The following CEP152 variants were observed in gnomAD, a reference collection of about 807,000 sequenced individuals.
CEP152 encodes the protein centrosomal protein 152, also known as centrosomal protein of 152 kDa.
CEP152 carries 132 observed loss-of-function variants against 188.9 expected under a neutral mutation model. The observed-to-expected ratio is 0.70, with a 90% confidence interval of 0.61 to 0.81. The LOEUF is 0.81. Among genes scored for constraint, CEP152 ranks in the 30% least tolerant of loss-of-function variants. The probability of loss-of-function intolerance (pLI) is 0.00; values close to 1 mark genes in which losing one functional copy is unlikely to be tolerated. For synonymous variants in CEP152, 649 were observed against 666.6 expected, an observed-to-expected ratio of 0.97 and a Z score of 0.41; for missense variants, 1,914 against 1,969.8, an observed-to-expected ratio of 0.97 and a Z score of 0.54.
At chr15:48,798,184 T>C in intron 2 of CEP152, 133 bp from the exon 3 acceptor site, 1 of 707,582 alleles carries the variant, frequency 1.4e-6, no homozygotes, top group Non-Finnish European at 2.6e-6. Context: ...ATTAACTTCT[T>C]AAGTTCCACA....
chr15:48,756,485 T>C lies in CEP152; in HGVS notation c.2763A>G (p.Ile921Met). The C allele has an allele frequency of 1.2e-6, 2 of 1,612,958 alleles. No individual in the cohort carries two copies. Among genetic ancestry groups the C allele is most frequent in the African/African-American group, 1.3e-5 (1 of 75,046 alleles). ...KSELENMRKN[I>M]LPGKELEEKI... ...TCTCTTCCAATTCCTTTCCAGGAAG[T>C]ATATTTTTCCTCATATTTTCAAGCT... Residue 921 changes from isoleucine (I) to methionine (M), a missense_variant, in exon 20 of 27, where the codon ATA becomes ATG. By Grantham distance (10) the Ile-to-Met change is conservative. Transcript: ENST00000380950.
At chr15:48,763,208 T>C (rs1894822025) in intron 17 of CEP152, among the ~76,000 whole-genome samples, 1 of 152,240 alleles carries the variant, frequency 6.6e-6, no homozygotes, top group Non-Finnish European at 1.5e-5. Flanking sequence ...CTTAATGATT[T>C]TTCCACTTTA....
intron 9 of CEP152, 24 bp downstream of exon 9, chr15:48,788,777 T>G: frequency 6.3e-7 from 1 of 1,599,090 alleles, no homozygotes; most frequent in Non-Finnish European, 8.6e-7. Context: ...TTGATAACAG[T>G]TGCTCATTTG....
rs1444788842 is a variant in CEP152 at position 48,741,992 on chromosome 15, T to C, written c.3944A>G (p.Tyr1315Cys). Residue 1315 changes from tyrosine to cysteine, a missense_variant, in exon 25 of 27, where the codon TAT becomes TGT. Physicochemically the swap from Tyr to Cys is radical, Grantham distance 194. Transcript: ENST00000380950. Reference sequence around the variant, plus strand: ...CAAAATCTGTTGGAGGCAAATCAAATAATATTTGCGCATCTTTCGGGCGGT... The same window carrying C: ...CAAAATCTGTTGGAGGCAAATCAAACAATATTTGCGCATCTTTCGGGCGGT... ...QETARKMRKY[Y>C]LICLQQILQD... 4.3e-6 allele frequency: 7 copies of C among 1,614,052 alleles called. No individual in the cohort carries two copies. The highest frequency in any genetic ancestry group is 1.1e-5 in the South Asian group (1 of 91,084).
At chr15:48,797,067 T>G (rs1897343222) in intron 5 of CEP152, among the ~76,000 whole-genome samples, 1 of 152,232 alleles carries the variant, frequency 6.6e-6, no homozygotes, top group African/African-American at 2.4e-5. Context: ...TTTAATCAAC[T>G]ATGTCCAAAG....
chr15:48,809,220 G>C (rs1389860864), intron 1 of CEP152, among the ~76,000 whole-genome samples: 1 of 152,142 alleles, frequency 6.6e-6, no homozygotes, highest in East Asian at 1.9e-4. Context: ...ACAAATATTT[G>C]TTGACTGAAT....
In CEP152 at chr15:48,791,313, T is replaced by A. The variant is rs200843051; in HGVS notation, c.896A>T (p.Glu299Val). Residue 299 changes from glutamate (E) to valine (V), a missense_variant, in exon 8 of 27, where the codon GAA becomes GTA. Coordinates refer to ENST00000380950, the MANE Select transcript of CEP152 (RefSeq NM_001194998.2). ...ESQKLFQNGK[E>V]REIQLEAQIK... is the part of the protein sequence containing the mutation. ...TTGAGCTTCAAGCTGTATCTCTCTT[T>A]CTTTTCCATTCTGAAAGAGTTTCTG... The A allele has an allele frequency of 3.1e-6, 5 of 1,612,926 alleles. No individual in the cohort carries two copies. The Admixed American group carries it at 5.0e-5, about 16-fold the overall frequency.
At position 48,748,500 on chromosome 15, in the gene CEP152, A is replaced by G; in HGVS notation, c.3577T>C (p.Cys1193Arg). The G allele has an allele frequency of 1.3e-6, 2 of 1,535,064 alleles. No individual in the cohort carries two copies. The highest frequency in any genetic ancestry group is 4.9e-5 in the East Asian group (2 of 40,874). Residue 1193 changes from cysteine to arginine, a missense_variant, in exon 22 of 27, where the codon TGT (cysteine) becomes CGT (arginine). Physicochemically the swap from Cys to Arg is radical, Grantham distance 180 (BLOSUM62 -3). Transcript: ENST00000380950. ...CTTTCTAAATGCTGAAGATGCCTAC[A>G]GCATTTCTCCAGTTTTCCTTTCAGA... ...QDLKGKLEKC[C>R]RHLQHLERKH... is the part of the protein sequence containing the mutation.
intron 12 of CEP152, among the ~76,000 whole-genome samples, chr15:48,778,699 C>T (rs561447538): frequency 3.2e-4 from 48 of 152,192 alleles, no homozygotes; most frequent in African/African-American, 1.1e-3. Context: ...CCTGTAATCC[C>T]AGCACTTTGG....
intron 9 of CEP152, among the ~76,000 whole-genome samples, chr15:48,787,712 G>C (rs1488858048): frequency 6.6e-6 from 1 of 151,578 alleles, no homozygotes; most frequent in Admixed American, 6.7e-5. Flanking sequence ...AATTTTAAGT[G>C]TGGTGAAATT....
Position 48,741,679 on chromosome 15 carries a change from C to A in CEP152, c.4015G>T (p.Ala1339Ser). ...TTTGCCATTGTAGCAAGTTTGCTAGCAGCATTCATAATCTTTTTCTCAGCC... is the reference window on the plus strand; with the variant it reads ...TTTGCCATTGTAGCAAGTTTGCTAGAAGCATTCATAATCTTTTTCTCAGCC... ...EGAEKKIMNA[A>S]SKLATMAKLL... Residue 1339 changes from alanine to serine, a missense_variant, in exon 26 of 27, where the codon GCT (alanine) becomes TCT (serine). By Grantham distance (99) the Ala-to-Ser change is moderately conservative. Coordinates refer to ENST00000380950, the MANE Select transcript of CEP152 (RefSeq NM_001194998.2). The A allele has an allele frequency of 2.5e-6, 4 of 1,614,030 alleles. No individual in the cohort carries two copies. The African/African-American group carries it at 4.0e-5, about 16-fold the overall frequency.
At chr15:48,793,253 T>C (rs1450211319) in intron 7 of CEP152, 68 bp downstream of exon 7, 3 of 1,577,438 alleles carry the variant, frequency 1.9e-6, no homozygotes, top group Admixed American at 1.7e-5. Context: ...TCGTATGTAA[T>C]CTGAGGTTAT....
At chr15:48,798,078 C>G in intron 2 of CEP152, 27 bp from the exon 3 acceptor site, 1 of 1,585,658 alleles carries the variant, frequency 6.3e-7, no homozygotes, top group Middle Eastern at 1.7e-4. Context: ...GCATCAATAT[C>G]ATACCAACTT....
At chr15:48,735,110 A>T (rs1892551996), downstream of CEP152, among the ~76,000 whole-genome samples, 1 of 152,248 alleles carries the variant, frequency 6.6e-6, no homozygotes, top group Non-Finnish European at 1.5e-5. Context: ...GCCATATGCC[A>T]GGCCATAAAA....
intron 2 of CEP152, among the ~76,000 whole-genome samples, chr15:48,731,824 TAAAC>T (rs1476279678): frequency 3.3e-5 from 5 of 152,042 alleles, no homozygotes; most frequent in Non-Finnish European, 7.4e-5. Flanking sequence ...ACAAGGAACT[TAAAC>T]AACCCCAACA....
At chr15:48,787,694 T>A (rs923331826) in intron 9 of CEP152, among the ~76,000 whole-genome samples, 1 of 152,110 alleles carries the variant, frequency 6.6e-6, no homozygotes, top group Non-Finnish European at 1.5e-5. Flanking sequence ...ATAACCCAAA[T>A]CAGCATGAAT....
chr15:48,794,511 C>A (rs1443301488), intron 6 of CEP152, among the ~76,000 whole-genome samples: 1 of 152,168 alleles, frequency 6.6e-6, no homozygotes, highest in Admixed American at 6.5e-5. Flanking sequence ...CTAGCCCCAT[C>A]TCCAAATTTT....
chr15:48,781,265 A>G lies in CEP152; in HGVS notation c.1508T>C (p.Ile503Thr). ...ATCCACATACGATTCAGTGAGTTCTATATTTAATTCTCCTTCTGAGTCACT... is the reference window on the plus strand; with the variant it reads ...ATCCACATACGATTCAGTGAGTTCTGTATTTAATTCTCCTTCTGAGTCACT... Reference protein sequence around the residue: ...HPSDSEGELNIELTESYVDLG... With the variant: ...HPSDSEGELNTELTESYVDLG... The change falls in exon 12 of 27, where the codon ATA becomes ACA. Residue 503 changes from isoleucine to threonine, a missense_variant. Ile to Thr is a moderately conservative substitution (Grantham distance 89). Coordinates refer to ENST00000380950, the MANE Select transcript of CEP152 (RefSeq NM_001194998.2). 1.2e-6 allele frequency: 2 copies of G among 1,613,484 alleles called. No homozygotes were observed. The highest frequency in any genetic ancestry group is 8.5e-7 in the Non-Finnish European group (1 of 1,179,604).
Position 48,755,952 on chromosome 15 carries a change from T to C in CEP152, c.3296A>G (p.Gln1099Arg), listed in dbSNP as rs779668798. The change falls in exon 20 of 27, where the codon CAA becomes CGA. Residue 1099 changes from glutamine (Q) to arginine (R), a missense_variant. Gln to Arg is a conservative substitution (Grantham distance 43, BLOSUM62 1). Coordinates refer to ENST00000380950, the MANE Select transcript of CEP152 (RefSeq NM_001194998.2). ...KLKGCIQKAF[Q>R]DTLPLLVENA... ...TTCTACAAGCAGAGGAAGTGTATCTTGAAATGCTTTCTGTATGCAGCCCTT... is the reference window on the plus strand; with the variant it reads ...TTCTACAAGCAGAGGAAGTGTATCTCGAAATGCTTTCTGTATGCAGCCCTT... 8 of 1,614,118 alleles carry C rather than the reference T, an allele frequency of 5.0e-6. No individual in the cohort carries two copies. The South Asian group carries it at 8.8e-5, about 18-fold the overall frequency.
Sources: gnomAD v4.1 joint callset for allele counts (sites outside exome capture counted in the v4.1 genomes callset) on GRCh38, gnomAD v4.1.1 for gene constraint, MANE v1.5 for transcripts, NCBI Gene and HGNC (gene_info 2026-07-23, HGNC 2026-07-21) for gene names.